OXR1: variants seen among roughly 807,000 people sequenced by gnomAD.
OXR1 encodes the protein oxidation resistance 1.
A neutral mutation model predicts 104.6 loss-of-function variants in OXR1; 41 were observed. That is an observed-to-expected ratio of 0.39 (90% CI 0.31 to 0.51). The LOEUF (loss-of-function observed/expected upper bound fraction) is 0.51, where lower values mean the gene tolerates loss of function less well. OXR1 is among the 20% of genes least tolerant of loss of function. OXR1 has a pLI of 0.77. For synonymous variants in OXR1, 348 were observed against 348.4 expected (o/e 1.00, Z 0.01); for missense variants, 955 against 1,031.9 (o/e 0.93, Z 1.02).
chr8:106,657,878 G>C, intron 3 of OXR1: 1 of 1,242,286 alleles, frequency 8.0e-7, no homozygotes. Flanking sequence ...GCGCGGAGCC[G>C]CCTCCCCTGG....
chr8:106,359,922 T>TTA (rs1215005967), intron 2 of OXR1, among the ~76,000 whole-genome samples: 3 of 152,116 alleles, frequency 2.0e-5, no homozygotes, highest in Admixed American at 6.6e-5. Flanking sequence ...AGAAGTAATA[T>TTA]TATATCCTTT....
intron 2 of OXR1, among the ~76,000 whole-genome samples, chr8:106,380,936 G>A (rs1180193545): frequency 6.6e-6 from 1 of 152,152 alleles, no homozygotes. Flanking sequence ...TGAATGGAGA[G>A]AGAAATTAAT....
intron 2 of OXR1, among the ~76,000 whole-genome samples, chr8:106,383,049 A>C (rs1441730282): frequency 1.3e-5 from 2 of 151,788 alleles, no homozygotes; most frequent in Non-Finnish European, 2.9e-5. Flanking sequence ...GGGAGACTTG[A>C]AGAATATGAG....
intron 2 of OXR1, among the ~76,000 whole-genome samples, chr8:106,508,752 A>T (rs1812335297): frequency 6.6e-6 from 1 of 152,220 alleles, no homozygotes; most frequent in Admixed American, 6.5e-5. Context: ...AATGTAGCTA[A>T]GAATCATATT....
intron 1 of OXR1, among the ~76,000 whole-genome samples, chr8:106,311,859 G>GT (rs1209565037): frequency 6.6e-6 from 1 of 152,042 alleles, no homozygotes; most frequent in African/African-American, 2.4e-5. Context: ...TAAGTTAGTT[G>GT]TTTTTTATCT....
chr8:106,715,932 A>G (rs1183177095), intron 11 of OXR1, among the ~76,000 whole-genome samples: 1 of 152,204 alleles, frequency 6.6e-6, no homozygotes, highest in Non-Finnish European at 1.5e-5. Flanking sequence ...TCCTTGCTAC[A>G]TTGTCTGAAA....
intron 2 of OXR1, among the ~76,000 whole-genome samples, chr8:106,475,841 C>A (rs1821776479): frequency 6.6e-6 from 1 of 151,944 alleles, no homozygotes; most frequent in South Asian, 2.1e-4. Flanking sequence ...TTGATTAGCT[C>A]TTTCATTTCT....
intron 6 of OXR1, among the ~76,000 whole-genome samples, chr8:106,685,772 A>T (rs1332245438): frequency 3.3e-5 from 5 of 152,140 alleles, no homozygotes; most frequent in Non-Finnish European, 7.3e-5. Context: ...CAATCTCACT[A>T]CTAGGTATCT....
At chr8:106,537,020 T>G (rs1052468928) in intron 3 of OXR1, among the ~76,000 whole-genome samples, 1 of 152,180 alleles carries the variant, frequency 6.6e-6, no homozygotes, top group African/African-American at 2.4e-5. Context: ...TTCTGGAGGC[T>G]GGAAAGTCCA....
chr8:106,748,952 A>G (rs914406352), intron 16 of OXR1, among the ~76,000 whole-genome samples: 3 of 152,260 alleles, frequency 2.0e-5, no homozygotes, highest in South Asian at 2.1e-4. Context: ...TAAAATTTGT[A>G]TATGTAATTA....
chr8:106,350,515 T>C (rs560293860), intron 1 of OXR1, among the ~76,000 whole-genome samples: 1 of 152,330 alleles, frequency 6.6e-6, no homozygotes, highest in South Asian at 2.1e-4. Flanking sequence ...ACATGCTCAA[T>C]TGAATACTAA....
chr8:106,327,724 G>T (rs187933855), intron 1 of OXR1, among the ~76,000 whole-genome samples: 45 of 152,194 alleles, frequency 3.0e-4, no homozygotes, highest in African/African-American at 9.6e-4. Flanking sequence ...ATACTCATTT[G>T]GCTTTGTACT....
chr8:106,459,197 G>A (rs1297208355), intron 2 of OXR1, among the ~76,000 whole-genome samples: 2 of 152,138 alleles, frequency 1.3e-5, no homozygotes. Flanking sequence ...ATAGGGCCTA[G>A]TAAGAGGTGG....
intron 2 of OXR1, among the ~76,000 whole-genome samples, chr8:106,461,664 C>A (rs1311676134): frequency 6.6e-6 from 1 of 152,158 alleles, no homozygotes; most frequent in Admixed American, 6.5e-5. Context: ...CCTGGAAATA[C>A]AGGATTCCTG....
chr8:106,644,056 A>T (rs1394643132), intron 3 of OXR1, among the ~76,000 whole-genome samples: 9 of 151,610 alleles, frequency 5.9e-5, no homozygotes, highest in Admixed American at 5.9e-4. Flanking sequence ...TTACATTTTG[A>T]TTATAAAGAT....
chr8:106,451,063 C>T (rs1820287517), intron 2 of OXR1, among the ~76,000 whole-genome samples: 1 of 152,240 alleles, frequency 6.6e-6, no homozygotes, highest in African/African-American at 2.4e-5. Flanking sequence ...TTGAGCCTGA[C>T]TCTCTTAACA....
intron 2 of OXR1, among the ~76,000 whole-genome samples, chr8:106,429,318 C>T (rs1819265041): frequency 6.6e-6 from 1 of 152,058 alleles, no homozygotes; most frequent in Non-Finnish European, 1.5e-5. Context: ...TTAACAGTTT[C>T]TTCTAATTGT....
intron 2 of OXR1, among the ~76,000 whole-genome samples, chr8:106,433,928 T>G (rs542418271): frequency 6.6e-6 from 1 of 152,314 alleles, no homozygotes; most frequent in African/African-American, 2.4e-5. Flanking sequence ...TTTCTTTCAC[T>G]TAACAATTAC....
chr8:106,747,980 A>G (rs1200006257), intron 16 of OXR1, among the ~76,000 whole-genome samples: 2 of 152,204 alleles, frequency 1.3e-5, no homozygotes, highest in Non-Finnish European at 2.9e-5. Flanking sequence ...GAAGGTTTTT[A>G]TGAGCAAGTC....
Sources: allele counts gnomAD v4.1 joint callset (sites outside exome capture counted in the v4.1 genomes callset), GRCh38; gene constraint gnomAD v4.1.1; transcripts MANE v1.5; gene names NCBI Gene and HGNC (gene_info 2026-07-23, HGNC 2026-07-21).